The following FOXP1 variants were observed in gnomAD, a reference collection of about 807,000 sequenced individuals.
The protein encoded by FOXP1 is forkhead box P1.
Under a neutral mutation model 98.2 loss-of-function variants are expected in FOXP1, and 15 were observed. The ratio of observed to expected loss-of-function variants is 0.15; its 90% CI spans 0.10 to 0.24. FOXP1 has a LOEUF of 0.24. FOXP1 is among the 10% of genes least tolerant of loss of function. The pLI is 1.00. For synonymous variants in FOXP1, 371 were observed against 314.5 expected (o/e 1.18, Z -1.90); for missense variants, 633 against 848.5 (o/e 0.75, Z 3.15).
chr3:71,301,571 T>C (rs1334619059), intron 4 of FOXP1, among the ~76,000 whole-genome samples: 1 of 152,218 alleles, frequency 6.6e-6, no homozygotes, highest in East Asian at 1.9e-4. Context: ...ATACATGCAC[T>C]GTAAACTAAT....
At chr3:71,468,725 A>G (rs1303029505) in intron 3 of FOXP1, among the ~76,000 whole-genome samples, 1 of 152,140 alleles carries the variant, frequency 6.6e-6, no homozygotes, top group Non-Finnish European at 1.5e-5. Flanking sequence ...TGGGGCCTGG[A>G]CAAGTCACTG....
intron 5 of FOXP1, among the ~76,000 whole-genome samples, chr3:71,287,511 G>A (rs932177804): frequency 2.6e-5 from 4 of 151,944 alleles, no homozygotes; most frequent in Non-Finnish European, 4.4e-5. Context: ...CAAGCGCTGT[G>A]GCTCACGCCT....
At chr3:71,119,451 A>AAT (rs1291362460) in intron 6 of FOXP1, among the ~76,000 whole-genome samples, 1 of 152,150 alleles carries the variant, frequency 6.6e-6, no homozygotes, top group African/African-American at 2.4e-5. Context: ...TTTTTCAGAT[A>AAT]ATTTCATGGA....
chr3:71,436,787 G>C (rs1048228910), intron 3 of FOXP1, among the ~76,000 whole-genome samples: 1 of 152,110 alleles, frequency 6.6e-6, no homozygotes, highest in African/African-American at 2.4e-5. Flanking sequence ...CCAGGCAAGT[G>C]GTGATCTGTA....
chr3:71,312,828 A>C lies in FOXP1; in HGVS notation c.-72-12948T>G, dbSNP rs1337453035. 1.7e-4 allele frequency among the ~76,000 whole-genome samples: 3 copies of C among 17,554 alleles called. No individual in the cohort carries two copies. The Non-Finnish European group carries it at 3.6e-3, about 21-fold the overall frequency. 11.5% of individuals were successfully genotyped at this position (17,554 alleles called of 152,430 possible). ...CGGTGAAACCTTATCTCTACCAAAA[A>C]ATACAAAAAAAAATTAGCTGGGCAT... On this transcript the variant is annotated intron_variant, in intron 4 of 20. Coordinates refer to ENST00000649528, the MANE Select transcript of FOXP1 (RefSeq NM_001349338.3).
intron 5 of FOXP1, among the ~76,000 whole-genome samples, chr3:71,293,167 A>G (rs2072935702): frequency 6.6e-6 from 1 of 152,174 alleles, no homozygotes; most frequent in Admixed American, 6.5e-5. Context: ...TTGAATTGCC[A>G]AGGAAAGGCT....
chr3:71,132,857 AAG>A (rs1313997069), intron 6 of FOXP1, among the ~76,000 whole-genome samples: 2 of 152,146 alleles, frequency 1.3e-5, no homozygotes, highest in African/African-American at 4.8e-5. Flanking sequence ...ACTGGATCCT[AAG>A]AGTGTTTTTT....
chr3:71,542,403 A>G (rs1167662506), intron 2 of FOXP1, among the ~76,000 whole-genome samples: 2 of 152,236 alleles, frequency 1.3e-5, no homozygotes, highest in East Asian at 3.8e-4. Context: ...AACTTTCACA[A>G]GAGGGGTGGG....
At chr3:71,533,674 G>A (rs1231294876) in intron 2 of FOXP1, among the ~76,000 whole-genome samples, 7 of 151,972 alleles carry the variant, frequency 4.6e-5, no homozygotes, top group Admixed American at 6.6e-5. Flanking sequence ...ATTATTTTTC[G>A]GGTGTTTTAA....
intron 6 of FOXP1, among the ~76,000 whole-genome samples, chr3:71,143,418 CT>C (rs1339587531): frequency 6.6e-6 from 1 of 152,144 alleles, no homozygotes; most frequent in Non-Finnish European, 1.5e-5. Flanking sequence ...TCTCATCTTC[CT>C]TCCCCTCTTT....
intron 5 of FOXP1, among the ~76,000 whole-genome samples, chr3:71,298,833 C>A (rs1368243679): frequency 3.3e-5 from 5 of 152,124 alleles, no homozygotes; most frequent in Non-Finnish European, 7.3e-5. Context: ...AAAAGTTCCA[C>A]AAAAAACTCT....
chr3:71,406,698 C>T (rs1423474138), intron 3 of FOXP1, among the ~76,000 whole-genome samples: 1 of 152,006 alleles, frequency 6.6e-6, no homozygotes. Flanking sequence ...ATGTAACATA[C>T]CATATTCCCA....
intron 3 of FOXP1, among the ~76,000 whole-genome samples, chr3:71,417,170 G>A (rs1006731952): frequency 2.0e-5 from 3 of 152,200 alleles, no homozygotes; most frequent in African/African-American, 7.2e-5. Flanking sequence ...AGAGGAGTGT[G>A]CTGAAGTCAA....
chr3:71,117,043 T>C (rs1559963667), intron 6 of FOXP1, among the ~76,000 whole-genome samples: 1 of 152,182 alleles, frequency 6.6e-6, no homozygotes, highest in African/African-American at 2.4e-5. Flanking sequence ...CAGAACAGAT[T>C]ATGTCCTTCA....
chr3:71,198,120 G>T, intron 6 of FOXP1, 82 bp downstream of exon 6: 1 of 1,612,718 alleles, frequency 6.2e-7, no homozygotes. Context: ...AACACTGATC[G>T]CGAGATCGCG....
chr3:71,533,867 T>C (rs1369267711), intron 2 of FOXP1, among the ~76,000 whole-genome samples: 3 of 152,072 alleles, frequency 2.0e-5, no homozygotes. Context: ...GAATCCACCT[T>C]CCTCAAAAAT....
intron 12 of FOXP1, among the ~76,000 whole-genome samples, chr3:71,005,509 TG>T (rs908210724): frequency 6.6e-6 from 1 of 151,936 alleles, no homozygotes; most frequent in Non-Finnish European, 1.5e-5. Flanking sequence ...ATATATTATT[TG>T]GGGGAAATGT....
Position 71,278,487 on chromosome 3 carries a change from T to C in FOXP1, c.-12+21333A>G, listed in dbSNP as rs1379943595. ...CGGTCTCAGGAAAGCAGCAATTTGATTAAACAAATTTCTGACCGGGCACGG... is the reference window on the plus strand; with the variant it reads ...CGGTCTCAGGAAAGCAGCAATTTGACTAAACAAATTTCTGACCGGGCACGG... On this transcript the variant is annotated intron_variant, in intron 5 of 20. Transcript: ENST00000649528. Among the ~76,000 whole-genome samples, 3 of 152,126 alleles carry C rather than the reference T, an allele frequency of 2.0e-5. No individual in the cohort carries two copies. In the East Asian group the frequency reaches 5.8e-4, roughly 29 times the overall value.
intron 7 of FOXP1, among the ~76,000 whole-genome samples, chr3:71,074,413 G>C (rs1027330736): frequency 6.6e-6 from 1 of 152,096 alleles, no homozygotes; most frequent in Non-Finnish European, 1.5e-5. Context: ...TTTTAGTAGA[G>C]ACAGGGTTTC....
Sources: allele counts gnomAD v4.1 joint callset (sites outside exome capture counted in the v4.1 genomes callset), GRCh38; gene constraint gnomAD v4.1.1; transcripts MANE v1.5; gene names NCBI Gene and HGNC (gene_info 2026-07-23, HGNC 2026-07-21).